The following DCDC1 variants were observed in gnomAD, a reference collection of about 807,000 sequenced individuals.
The protein encoded by DCDC1 is doublecortin domain containing 1, also known as doublecortin domain-containing protein 1.
In DCDC1, 200 loss-of-function variants were observed where a neutral mutation model predicts 178.3. That is an observed-to-expected ratio of 1.12 (90% CI 1.00 to 1.26). DCDC1 has a LOEUF of 1.26. Among genes scored for constraint, DCDC1 ranks in the 50% most tolerant of loss-of-function variants. The pLI is 0.00. For missense variants in DCDC1, 1,983 were observed against 1,749.2 expected (o/e 1.13, Z -2.38); for synonymous variants, 690 against 604.8 (o/e 1.14, Z -2.07).
At chr11:30,969,972 T>C (rs1052236425) in intron 20 of DCDC1, among the ~76,000 whole-genome samples, 1 of 152,182 alleles carries the variant, frequency 6.6e-6, no homozygotes, top group African/African-American at 2.4e-5. Context: ...ATTATCACAC[T>C]TCTAATAGAT....
intron 9 of DCDC1, among the ~76,000 whole-genome samples, chr11:31,232,102 A>G (rs1433655875): frequency 6.6e-6 from 1 of 152,224 alleles, no homozygotes; most frequent in Admixed American, 6.5e-5. Context: ...ATCTGCAAAT[A>G]AAGTTACACA....
chr11:31,210,317 A>T (rs1972342612), intron 9 of DCDC1, among the ~76,000 whole-genome samples: 1 of 152,238 alleles, frequency 6.6e-6, no homozygotes, highest in Non-Finnish European at 1.5e-5. Flanking sequence ...GAAAGGTACT[A>T]TACTCCTGTG....
chr11:31,253,597 C>T (rs1944217126), intron 8 of DCDC1, among the ~76,000 whole-genome samples: 1 of 151,824 alleles, frequency 6.6e-6, no homozygotes, highest in African/African-American at 2.4e-5. Flanking sequence ...ATTAGTAAAC[C>T]AAATAGATAA....
intron 7 of DCDC1, among the ~76,000 whole-genome samples, chr11:31,287,354 G>T (rs1436353563): frequency 6.6e-6 from 1 of 151,874 alleles, no homozygotes; most frequent in African/African-American, 2.4e-5. Context: ...TAGAAGTTCA[G>T]TTCGTAAGAT....
chr11:31,158,458 A>G (rs960054878), intron 9 of DCDC1, among the ~76,000 whole-genome samples: 1 of 152,122 alleles, frequency 6.6e-6, no homozygotes, highest in Admixed American at 6.5e-5. Flanking sequence ...CATGTTGTAC[A>G]ATAGATTTCA....
chr11:30,998,122 C>T (rs560593049), intron 20 of DCDC1, among the ~76,000 whole-genome samples: 24 of 152,010 alleles, frequency 1.6e-4, no homozygotes, highest in African/African-American at 5.8e-4. Flanking sequence ...AGTGAGACCC[C>T]CACCTCTACA....
chr11:31,252,913 G>A (rs549613823), intron 8 of DCDC1, among the ~76,000 whole-genome samples: 1 of 152,120 alleles, frequency 6.6e-6, no homozygotes, highest in African/African-American at 2.4e-5. Flanking sequence ...TGAACAAAGT[G>A]AGATTTTGGT....
At chr11:31,261,974 G>GA (rs34548316) in intron 8 of DCDC1, among the ~76,000 whole-genome samples, 39,558 of 149,240 alleles carry the variant, frequency 0.27, 5,291 homozygotes, top group African/African-American at 0.32. Context: ...CATTACTGGA[G>GA]AAAAAAAAAA....
In DCDC1 at chr11:31,341,516, T is replaced by C. The variant is rs547055628; in HGVS notation, c.-124-5952A>G. ...ATTTCACTGGGCAAATATCATACAG[T>C]ATACTTACACAAACCTAGATGGCAT... is the stretch of plus-strand genomic sequence containing the variant. On this transcript the variant is annotated intron_variant, in intron 1 of 38. Coordinates refer to ENST00000684477, the MANE Select transcript of DCDC1 (RefSeq NM_001387274.1). 4.1e-4 allele frequency among the ~76,000 whole-genome samples: 62 copies of C among 152,266 alleles called. No homozygotes were observed. The Middle Eastern group carries it at 0.01, about 25-fold the overall frequency.
intron 2 of DCDC1, among the ~76,000 whole-genome samples, chr11:31,330,590 G>A (rs1949920066): frequency 6.6e-6 from 1 of 152,136 alleles, no homozygotes; most frequent in Non-Finnish European, 1.5e-5. Flanking sequence ...TGTAAGGAAG[G>A]GATCCAGTTT....
chr11:31,045,814 T>C (rs1049105715), intron 20 of DCDC1, among the ~76,000 whole-genome samples: 2 of 152,188 alleles, frequency 1.3e-5, no homozygotes, highest in African/African-American at 2.4e-5. Flanking sequence ...AATTGGGAGA[T>C]GTTTTTCTTT....
chr11:30,961,546 T>C (rs1590560121), intron 20 of DCDC1, among the ~76,000 whole-genome samples: 1 of 152,198 alleles, frequency 6.6e-6, no homozygotes, highest in East Asian at 1.9e-4. Context: ...CTATTTATTT[T>C]GCTGACCACT....
intron 2 of DCDC1, among the ~76,000 whole-genome samples, chr11:31,331,824 C>T (rs1445177405): frequency 4.3e-5 from 6 of 139,422 alleles, no homozygotes; most frequent in South Asian, 2.2e-4. Context: ...ATCAGGGATA[C>T]TGGTCTAAAA....
intron 9 of DCDC1, among the ~76,000 whole-genome samples, chr11:31,170,128 T>C (rs535301210): frequency 6.6e-6 from 1 of 152,304 alleles, no homozygotes; most frequent in Non-Finnish European, 1.5e-5. Context: ...GCACTAAGTT[T>C]GGCTACAGAT....
Position 31,260,441 on chromosome 11 carries a change from A to C in DCDC1, c.1054+5066T>G, listed in dbSNP as rs189145111. 5.8e-3 allele frequency among the ~76,000 whole-genome samples: 879 copies of C among 152,330 alleles called. 6 individuals are homozygous for C. The highest frequency in any genetic ancestry group is 0.02 in the African/African-American group (840 of 41,576). On this transcript the variant is annotated intron_variant, in intron 8 of 38. Coordinates refer to ENST00000684477, the MANE Select transcript of DCDC1 (RefSeq NM_001387274.1). ...TACTTAATCTAATTTCAGAATCTCC[A>C]AGAAATTTATCAGAGAATATACAAA...
chr11:31,033,399 G>A (rs1431867663), intron 20 of DCDC1, among the ~76,000 whole-genome samples: 1 of 151,834 alleles, frequency 6.6e-6, no homozygotes, highest in Non-Finnish European at 1.5e-5. Flanking sequence ...AATTTCTGCT[G>A]TTCTGATTTT....
intron 7 of DCDC1, among the ~76,000 whole-genome samples, chr11:31,272,023 G>T (rs767605312): frequency 7.9e-5 from 12 of 152,042 alleles, no homozygotes; most frequent in Non-Finnish European, 1.8e-4. Flanking sequence ...TTAGCTGGGT[G>T]TGGTGGCGGG....
intron 20 of DCDC1, among the ~76,000 whole-genome samples, chr11:31,012,617 A>G (rs202179991): frequency 1.2e-3 from 186 of 151,906 alleles, no homozygotes; most frequent in South Asian, 2.1e-3. Context: ...CAAAAAAAAA[A>G]AAAAGAAAAG....
chr11:31,314,721 C>T (rs1267346093), intron 3 of DCDC1, among the ~76,000 whole-genome samples: 1 of 147,678 alleles, frequency 6.8e-6, no homozygotes. Context: ...CTGATTAGGT[C>T]AGGCACACCC....
Sources: allele counts gnomAD v4.1 joint callset (sites outside exome capture counted in the v4.1 genomes callset), GRCh38; gene constraint gnomAD v4.1.1; transcripts MANE v1.5; gene names NCBI Gene and HGNC (gene_info 2026-07-23, HGNC 2026-07-21).